The following SIDT1 variants were observed in gnomAD, a reference collection of about 807,000 sequenced individuals.
The protein encoded by SIDT1 is SID1 transmembrane family, member 1.
In SIDT1, 101 loss-of-function variants were observed where a neutral mutation model predicts 107.5. The observed-to-expected ratio is 0.94, with a 90% CI of 0.80 to 1.11. SIDT1 has a LOEUF of 1.11. Ranked by LOEUF, SIDT1 falls within the 50% of genes least tolerant of loss-of-function variation. The pLI is 0.00. For synonymous variants in SIDT1, 395 were observed against 398.2 expected (o/e 0.99, Z 0.10); for missense variants, 1,076 against 1,058.2 (o/e 1.02, Z -0.23).
intron 1 of SIDT1, among the ~76,000 whole-genome samples, chr3:113,548,498 A>G (rs1487014281): frequency 6.6e-6 from 1 of 152,138 alleles, no homozygotes; most frequent in Non-Finnish European, 1.5e-5. Context: ...AGTTCGGAAC[A>G]TGCCACTCCA....
At chr3:113,538,228 G>A (rs181682350) in intron 1 of SIDT1, among the ~76,000 whole-genome samples, 8 of 152,288 alleles carry the variant, frequency 5.3e-5, no homozygotes, top group Admixed American at 2.0e-4. Flanking sequence ...CATTCAATCC[G>A]TAGCAATCAC....
intron 15 of SIDT1, 140 bp downstream of exon 15, chr3:113,607,254 G>T: frequency 1.7e-6 from 1 of 585,864 alleles, no homozygotes; most frequent in East Asian, 2.8e-5. Context: ...AAACCAAGAA[G>T]TTGAGACCAG....
At chr3:113,610,944 G>A in intron 17 of SIDT1, 64 bp from the exon 18 acceptor site, 1 of 1,565,920 alleles carries the variant, frequency 6.4e-7, no homozygotes. Flanking sequence ...GAAAAATCTA[G>A]AAAATATCAT....
intron 3 of SIDT1, among the ~76,000 whole-genome samples, chr3:113,568,212 G>T (rs1942098275): frequency 1.3e-5 from 2 of 151,876 alleles, no homozygotes; most frequent in Admixed American, 1.3e-4. Flanking sequence ...AAACAGGCAA[G>T]CTCATCAAAA....
intron 1 of SIDT1, among the ~76,000 whole-genome samples, chr3:113,554,304 C>A (rs754301128): frequency 1.3e-5 from 2 of 152,134 alleles, no homozygotes; most frequent in Non-Finnish European, 2.9e-5. Context: ...GGAGCTTAGT[C>A]ATGTTTTGAC....
intron 1 of SIDT1, among the ~76,000 whole-genome samples, chr3:113,547,579 G>A (rs1332775364): frequency 6.6e-6 from 1 of 152,078 alleles, no homozygotes; most frequent in Non-Finnish European, 1.5e-5. Context: ...ATTGAATAGG[G>A]CATTTTTCAG....
chr3:113,588,026 A>G (rs1943865734), intron 9 of SIDT1, among the ~76,000 whole-genome samples: 1 of 152,212 alleles, frequency 6.6e-6, no homozygotes, highest in South Asian at 2.1e-4. Context: ...ACTGTCTCTA[A>G]TCCTGATGTT....
At chr3:113,634,577 C>A in the SIDT1 span, among the ~76,000 whole-genome samples, 1 of 152,176 alleles carries the variant, frequency 6.6e-6, no homozygotes, top group Non-Finnish European at 1.5e-5. Flanking sequence ...AAGTGGATCA[C>A]CTGAGGTCAG....
At chr3:113,542,862 G>T (rs16861158) in intron 1 of SIDT1, among the ~76,000 whole-genome samples, 18,786 of 151,564 alleles carry the variant, frequency 0.12, 1,207 homozygotes, top group Non-Finnish European at 0.15. Context: ...CTCAGGCAGG[G>T]CTTTTTCTAG....
intron 19 of SIDT1, among the ~76,000 whole-genome samples, chr3:113,614,298 C>T (rs1242361086): frequency 6.6e-6 from 1 of 152,234 alleles, no homozygotes; most frequent in African/African-American, 2.4e-5. Flanking sequence ...ATCATCCACA[C>T]AGGCCCGCCT....
At chr3:113,612,370 A>C (rs768398551) in intron 19 of SIDT1, 176 bp downstream of exon 19, 1 of 671,176 alleles carries the variant, frequency 1.5e-6, no homozygotes, top group South Asian at 1.5e-5. Context: ...CCCTTATAGG[A>C]TAGTGATAAG....
rs777951706 is a variant in SIDT1 at position 113,585,241 on chromosome 3, C to T, written c.972C>T (p.Cys324=). The part of the protein sequence containing the change: ...VFIFLSFYLG[C]LLVGFVHYLR... ...TCTTCCTGTCCTTCTACTTGGGATG[C>T]CTTCTTGTTGGGTTTGTTCATTATC... The change falls in exon 9 of 25, where the codon TGC becomes TGT. Residue 324 remains cysteine (C), a synonymous_variant. Coordinates refer to ENST00000264852, the MANE Select transcript of SIDT1 (RefSeq NM_017699.3). 4.3e-6 allele frequency: 7 copies of T among 1,613,212 alleles called. No homozygotes were observed. The highest frequency in any genetic ancestry group is 1.1e-5 in the South Asian group (1 of 91,054).
chr3:113,548,730 A>G (rs1326951424), intron 1 of SIDT1, among the ~76,000 whole-genome samples: 1 of 152,130 alleles, frequency 6.6e-6, no homozygotes, highest in Non-Finnish European at 1.5e-5. Context: ...ACTAACCCTT[A>G]TCTTCCTGGC....
intron 6 of SIDT1, chr3:113,581,693 C>T: frequency 7.0e-6 from 3 of 429,216 alleles, no homozygotes; most frequent in Non-Finnish European, 1.3e-5. Context: ...GCCAATATGG[C>T]AAAACCCTGT....
At chr3:113,614,701 C>T (rs1352599491) in intron 19 of SIDT1, among the ~76,000 whole-genome samples, 2 of 152,212 alleles carry the variant, frequency 1.3e-5, no homozygotes, top group Admixed American at 6.5e-5. Context: ...CTCTCATAAA[C>T]CGCAGAGCTG....
In SIDT1 at chr3:113,629,078, T is replaced by G. The variant is rs1299552650; in HGVS notation, c.*1370T>G. 1 of 152,224 alleles carries G rather than the reference T, an allele frequency of 6.6e-6. No individual in the cohort carries two copies. Among genetic ancestry groups the G allele is most frequent in the Non-Finnish European group, 1.5e-5 (1 of 68,032 alleles). 9.4% of individuals were successfully genotyped at this position (152,224 alleles called of 1,614,324 possible). On this transcript the variant is annotated 3_prime_UTR_variant, in exon 25 of 25. Transcript: ENST00000264852. The stretch of plus-strand genomic sequence containing the variant: ...TATGTATTTGCTTGTGAAATTAAAG[T>G]CACCTCTTGCCTCTGCTTTCCTGAT...
chr3:113,581,221 G>A, intron 5 of SIDT1, 140 bp from the exon 6 acceptor site: 2 of 684,166 alleles, frequency 2.9e-6, no homozygotes, highest in African/African-American at 1.8e-5. Context: ...CTGTTCAAGG[G>A]GGGAAATTGC....
chr3:113,608,181 T>A lies in SIDT1; in HGVS notation c.1566T>A (p.His522Gln). The A allele has an allele frequency of 6.2e-7, 1 of 1,609,386 alleles. No individual in the cohort carries two copies. Among genetic ancestry groups the A allele is most frequent in the Non-Finnish European group, 8.5e-7 (1 of 1,177,856 alleles). Reference protein sequence around the residue: ...LLIVLRRDILHRRALEAKDIF... With the variant: ...LLIVLRRDILQRRALEAKDIF... ...TAGTCTTGCGCCGCGACATCCTCCA[T>A]CGGAGAGCCCTGGAAGCCAAGGACA... is the stretch of plus-strand genomic sequence containing the variant. The change falls in exon 16 of 25, where the codon CAT (histidine) becomes CAA (glutamine). Residue 522 changes from histidine (H) to glutamine (Q), a missense_variant. Coordinates refer to ENST00000264852, the MANE Select transcript of SIDT1 (RefSeq NM_017699.3).
intron 1 of SIDT1, among the ~76,000 whole-genome samples, chr3:113,539,451 CA>C (rs775273495): frequency 6.6e-6 from 1 of 151,988 alleles, no homozygotes; most frequent in Non-Finnish European, 1.5e-5. Context: ...TTCCTTGGAG[CA>C]ATAGAGTTTT....
Sources: gnomAD v4.1 joint callset for allele counts (sites outside exome capture counted in the v4.1 genomes callset) on GRCh38, gnomAD v4.1.1 for gene constraint, MANE v1.5 for transcripts, NCBI Gene and HGNC (gene_info 2026-07-23, HGNC 2026-07-21) for gene names.